SCIN: variants seen among roughly 807,000 people sequenced by gnomAD.
SCIN encodes the protein scinderin.
SCIN carries 91 observed loss-of-function variants against 91.8 expected under a neutral mutation model. The ratio of observed to expected loss-of-function variants is 0.99; its 90% CI spans 0.84 to 1.18. The LOEUF (loss-of-function observed/expected upper bound fraction) is 1.18, where lower values mean the gene tolerates loss of function less well. SCIN is among the 50% of genes most tolerant of loss of function. SCIN has a pLI of 0.00. For synonymous variants in SCIN, 367 were observed against 312.6 expected, an observed-to-expected ratio of 1.17 and a Z score of -1.84; for missense variants, 1,087 against 863.9, an observed-to-expected ratio of 1.26 and a Z score of -3.24.
Position 12,577,969 on chromosome 7 carries a change from T to C in SCIN, c.200-95T>C, listed in dbSNP as rs535371356. The C allele has an allele frequency of 1.3e-4, 151 of 1,132,820 alleles. No homozygotes were observed. The East Asian group carries it at 3.9e-3, about 30-fold the overall frequency. 70.2% of individuals were successfully genotyped at this position (1,132,820 alleles called of 1,614,324 possible). A position where few individuals can be genotyped will look rare whatever the true frequency, so the allele number is the denominator to read the frequency against. ...AGAAGACTGTTGGATTGATACATAA[T>C]TGAAATGAAAATTTCTGACTTCTTT... is the stretch of plus-strand genomic sequence containing the variant. On this transcript the variant is annotated intron_variant, in intron 1 of 15. Coordinates refer to ENST00000297029, the MANE Select transcript of SCIN (RefSeq NM_001112706.3).
rs372341863 is a variant in SCIN at position 12,610,889 on chromosome 7, G to A, written c.666+6226G>A. On this transcript the variant is annotated intron_variant, in intron 4 of 15. Transcript: ENST00000297029. Reference sequence around the variant, plus strand: ...TACTCCAAGTGAAAGTGCTTCACACGGTAGGAAACATGTAGCTAGTATCTA... The same window carrying A: ...TACTCCAAGTGAAAGTGCTTCACACAGTAGGAAACATGTAGCTAGTATCTA... The A allele has an allele frequency of 7.2e-5, 11 of 152,274 alleles. No homozygotes were observed. The South Asian group carries it at 1.0e-3, about 14-fold the overall frequency. The allele number at this position is 152,274 out of a possible 1,614,324, so 9.4% of individuals were successfully genotyped here.
intron 3 of SCIN, among the ~76,000 whole-genome samples, chr7:12,587,010 G>A (rs1011433548): frequency 6.6e-6 from 1 of 152,064 alleles, no homozygotes; most frequent in African/African-American, 2.4e-5. Context: ...CTGTTCTACT[G>A]TTGTATAGTG....
chr7:12,629,878 A>G (rs1381793802), intron 9 of SCIN, among the ~76,000 whole-genome samples: 4 of 152,116 alleles, frequency 2.6e-5, no homozygotes. Context: ...TCTGCAACAA[A>G]TTATATAATG....
chr7:12,597,431 G>C (rs1262353661), intron 3 of SCIN, among the ~76,000 whole-genome samples: 3 of 152,196 alleles, frequency 2.0e-5, no homozygotes, highest in Admixed American at 2.0e-4. Context: ...GGACCAAAGA[G>C]CAGCAAGCCT....
chr7:12,620,092 T>C (rs1451251546), intron 4 of SCIN, among the ~76,000 whole-genome samples: 1 of 152,038 alleles, frequency 6.6e-6, no homozygotes, highest in Non-Finnish European at 1.5e-5. Flanking sequence ...ACAAACTTTG[T>C]CATATACAAA....
rs902021212 is a variant in SCIN, at chr7:12,657,216, T to C, written c.*4501T>C. The C allele has an allele frequency of 1.6e-5, 2 of 123,332 alleles. No homozygotes were observed. Among genetic ancestry groups the C allele is most frequent in the African/African-American group, 8.8e-5 (2 of 22,818 alleles). The allele number at this position is 123,332 out of a possible 1,614,324, so 7.6% of individuals were successfully genotyped here. Reference sequence around the variant, plus strand: ...GTACTAAAGGATATAATATGATTTTTTTTTTTTTTTTTTTTTTTTTGAGAT... The same window carrying C: ...GTACTAAAGGATATAATATGATTTTCTTTTTTTTTTTTTTTTTTTTGAGAT... On this transcript the variant is annotated 3_prime_UTR_variant, in exon 16 of 16. Transcript: ENST00000297029.
chr7:12,613,701 T>C (rs1783242546), intron 4 of SCIN, among the ~76,000 whole-genome samples: 1 of 152,192 alleles, frequency 6.6e-6, no homozygotes. Flanking sequence ...CAGGGGTATC[T>C]AGTGCATCAC....
At chr7:12,588,814 G>GT (rs1281187274) in intron 3 of SCIN, 1 of 76,792 alleles carries the variant, frequency 1.3e-5, no homozygotes, top group Admixed American at 1.2e-4. Flanking sequence ...TGGGTGGGGG[G>GT]GGGGGGGTGC....
rs554236633 is a variant in SCIN, at chr7:12,605,473, T to C, written c.666+810T>C. Among the ~76,000 whole-genome samples the C allele has an allele frequency of 1.2e-4, 19 of 152,320 alleles. No homozygotes were observed. The South Asian group carries it at 3.9e-3, about 32-fold the overall frequency. On this transcript the variant is annotated intron_variant, in intron 4 of 15. Transcript: ENST00000297029. ...TTTCAGATTTTGAATTTCCGGGGTATTGGAAATATTTGTATATACAAAATG... is the reference window on the plus strand; with the variant it reads ...TTTCAGATTTTGAATTTCCGGGGTACTGGAAATATTTGTATATACAAAATG...
rs936990938 is a variant in SCIN at position 12,654,780 on chromosome 7, C to G, written c.*2065C>G. On this transcript the variant is annotated 3_prime_UTR_variant, in exon 16 of 16. Coordinates refer to ENST00000297029, the MANE Select transcript of SCIN (RefSeq NM_001112706.3). ...GTTAATATTTATTGAATGGCAATAT[C>G]AAAAATGAGATCAGCAGCAAGATGA... 1 of 151,972 alleles carries G rather than the reference C, an allele frequency of 6.6e-6. No homozygotes were observed. Among genetic ancestry groups the G allele is most frequent in the Non-Finnish European group, 1.5e-5 (1 of 67,974 alleles). The allele number at this position is 151,972 out of a possible 1,614,324, so 9.4% of individuals were successfully genotyped here.
At chr7:12,598,832 C>G (rs973900138) in intron 3 of SCIN, among the ~76,000 whole-genome samples, 1 of 152,034 alleles carries the variant, frequency 6.6e-6, no homozygotes, top group East Asian at 1.9e-4. Flanking sequence ...TTTCTTGAAC[C>G]TGGAGGCAGA....
rs539225701 is a variant in SCIN at position 12,602,875 on chromosome 7, G to C, written c.517-1639G>C. 3.3e-5 allele frequency among the ~76,000 whole-genome samples: 5 copies of C among 152,208 alleles called. No individual in the cohort carries two copies. The East Asian group carries it at 7.7e-4, about 24-fold the overall frequency. ...TTGTACAGTTAACACAATTATAGTG[G>C]TCCTGAGGTGACGTACATCTTCAGC... On this transcript the variant is annotated intron_variant, in intron 3 of 15. Transcript: ENST00000297029.
chr7:12,597,446 T>C (rs992169472), intron 3 of SCIN, among the ~76,000 whole-genome samples: 6 of 152,246 alleles, frequency 3.9e-5, no homozygotes, highest in Non-Finnish European at 8.8e-5. Context: ...AAGCCTATGC[T>C]GAATTCCTTG....
At chr7:12,580,728 T>A (rs6955842) in intron 2 of SCIN, among the ~76,000 whole-genome samples, 5,602 of 152,232 alleles carry the variant, frequency 0.037, 361 homozygotes, top group African/African-American at 0.13. Context: ...CATTATTGAT[T>A]TGGGGATCAT....
chr7:12,610,511 C>T (rs1029399157), intron 4 of SCIN, among the ~76,000 whole-genome samples: 2 of 152,190 alleles, frequency 1.3e-5, no homozygotes, highest in African/African-American at 4.8e-5. Context: ...TAACTCATTG[C>T]CCACTCGTAT....
At position 12,657,572 on chromosome 7, in the gene SCIN, A is replaced by ATATATATT. The variant is rs1554298408; in HGVS notation, c.*4858_*4859insATATATTT. 2 of 22,078 alleles carry ATATATATT rather than the reference A, an allele frequency of 9.1e-5. No individual in the cohort carries two copies. 1.4% of individuals were successfully genotyped at this position (22,078 alleles called of 1,614,324 possible). On this transcript the variant is annotated 3_prime_UTR_variant, in exon 16 of 16. Transcript: ENST00000297029. ...TATATATATATATATATATATATAT[A>ATATATATT]TTTTTTTTTTTTTTTTTTTTTTTTT...
intron 3 of SCIN, chr7:12,596,478 A>C (rs989943023): frequency 2.2e-6 from 1 of 455,920 alleles, no homozygotes; most frequent in African/African-American, 2.0e-5. Flanking sequence ...CCAATTTATC[A>C]CTTTTAGAGA....
At chr7:12,605,719 G>A (rs1414340655) in intron 4 of SCIN, among the ~76,000 whole-genome samples, 1 of 152,116 alleles carries the variant, frequency 6.6e-6, no homozygotes, top group African/African-American at 2.4e-5. Flanking sequence ...TCAGATGTTT[G>A]GATTAGGGAT....
intron 3 of SCIN, among the ~76,000 whole-genome samples, chr7:12,592,064 C>T (rs1782735760): frequency 6.6e-6 from 1 of 152,126 alleles, no homozygotes; most frequent in South Asian, 2.1e-4. Flanking sequence ...AGGGCTATCC[C>T]TGAAGCCCTG....
Sources: allele counts gnomAD v4.1 joint callset (sites outside exome capture counted in the v4.1 genomes callset), GRCh38; gene constraint gnomAD v4.1.1; transcripts MANE v1.5; gene names NCBI Gene and HGNC (gene_info 2026-07-23, HGNC 2026-07-21).